PCDH15: variants seen among roughly 807,000 people sequenced by gnomAD.
The protein encoded by PCDH15 is protocadherin-15.
In PCDH15, 129 loss-of-function variants were observed where a neutral mutation model predicts 178.5. That is an observed-to-expected ratio of 0.72 (90% confidence interval 0.63 to 0.84). PCDH15 has a LOEUF of 0.84. Ranked by LOEUF, PCDH15 falls within the 40% of genes least tolerant of loss-of-function variation. PCDH15 has a pLI of 0.00. For missense variants in PCDH15, 2,230 were observed against 2,099.9 expected (o/e 1.06, Z -1.21); for synonymous variants, 800 against 732.0 (o/e 1.09, Z -1.50).
In PCDH15 at chr10:54,808,176, T is replaced by C. The variant is rs73268249; in HGVS notation, c.-29+89274A>G. Among the ~76,000 whole-genome samples the C allele has an allele frequency of 3.7e-3, 571 of 152,334 alleles. 1 individual carries two copies. Among genetic ancestry groups the C allele is most frequent in the African/African-American group, 0.013 (546 of 41,568 alleles). ...TTTTATATTTATACTGGTTTCTCTT[T>C]AACTCAGTAATCACTATTTTAGGCC... On this transcript the variant is annotated intron_variant, in intron 3 of 5. Transcript: ENST00000458638.
At chr10:54,327,351 T>A (rs1035988983) in intron 7 of PCDH15, among the ~76,000 whole-genome samples, 18 of 151,370 alleles carry the variant, frequency 1.2e-4, no homozygotes, top group Admixed American at 2.0e-4. Flanking sequence ...TTTCCCCATA[T>A]CTACAGTTTT....
chr10:55,078,957 G>A (rs186192811), intron 2 of PCDH15, among the ~76,000 whole-genome samples: 5 of 152,058 alleles, frequency 3.3e-5, no homozygotes, highest in South Asian at 2.1e-4. Flanking sequence ...TGAGTTCTTC[G>A]CTTCCAGGAT....
intron 26 of PCDH15, among the ~76,000 whole-genome samples, chr10:53,890,081 G>T (rs184891196): frequency 3.0e-3 from 452 of 152,268 alleles, no homozygotes; most frequent in African/African-American, 0.011. Context: ...GTGTGATTTT[G>T]CATATGCAGG....
In PCDH15 at chr10:54,194,748, A is replaced by G. The variant is rs554998708; in HGVS notation, c.1305+935T>C. On this transcript the variant is annotated intron_variant, in intron 11 of 37. Coordinates refer to ENST00000644397, the MANE Select transcript of PCDH15 (RefSeq NM_001384140.1). The stretch of plus-strand genomic sequence containing the variant: ...TCTATCTATCTATCTATCTATATAT[A>G]TACACAAAACATATGTATACATATT... Among the ~76,000 whole-genome samples, 4 of 151,972 alleles carry G rather than the reference A, an allele frequency of 2.6e-5. No individual in the cohort carries two copies. In the East Asian group the frequency reaches 7.7e-4, roughly 29 times the overall value.
intron 2 of PCDH15, among the ~76,000 whole-genome samples, chr10:55,331,068 T>A: frequency 6.6e-6 from 1 of 151,888 alleles, no homozygotes; most frequent in Non-Finnish European, 1.5e-5. Flanking sequence ...AGAAATTCTC[T>A]TCTCAAGAGG....
chr10:55,527,872 CAATGAGGT>C (rs755229545), intron 2 of PCDH15, among the ~76,000 whole-genome samples: 54 of 152,050 alleles, frequency 3.6e-4, no homozygotes, highest in Middle Eastern at 3.4e-3. Context: ...CTTCTGACAA[CAATGAGGT>C]AGCTAATTTG....
intron 2 of PCDH15, among the ~76,000 whole-genome samples, chr10:55,538,984 C>CCTCCTCCT (rs1841693702): frequency 7.9e-6 from 1 of 127,306 alleles, no homozygotes; most frequent in African/African-American, 3.1e-5. Flanking sequence ...CCTTTCCTTC[C>CCTCCTCCT]TTCCTTCCTC....
chr10:54,963,166 G>C (rs1271105883), intron 2 of PCDH15, among the ~76,000 whole-genome samples: 1 of 152,146 alleles, frequency 6.6e-6, no homozygotes, highest in African/African-American at 2.4e-5. Context: ...AAAATGGTGA[G>C]TCCCATGGCC....
intron 18 of PCDH15, among the ~76,000 whole-genome samples, chr10:54,049,432 C>T (rs796305215): frequency 1.1e-4 from 17 of 152,246 alleles, no homozygotes; most frequent in African/African-American, 3.9e-4. Flanking sequence ...GAGTAGGCAT[C>T]CTTCTCTTGT....
intron 2 of PCDH15, among the ~76,000 whole-genome samples, chr10:55,449,451 T>C (rs1200270808): frequency 6.6e-6 from 1 of 152,022 alleles, no homozygotes; most frequent in Non-Finnish European, 1.5e-5. Flanking sequence ...GCAGTGTCTA[T>C]CCATATGTAT....
rs189832218 is a variant in PCDH15 at position 53,917,034 on chromosome 10, T to A, written c.3374-13664A>T. Among the ~76,000 whole-genome samples the A allele has an allele frequency of 2.1e-3, 323 of 152,274 alleles. 1 individual carries two copies. The highest frequency in any genetic ancestry group is 7.1e-3 in the African/African-American group (297 of 41,570). ...TTATATGAGATATATAGGAATATAGTACACATCAAATAATGTAGTGGAAAA... is the reference window on the plus strand; with the variant it reads ...TTATATGAGATATATAGGAATATAGAACACATCAAATAATGTAGTGGAAAA... On this transcript the variant is annotated intron_variant, in intron 25 of 37. Transcript: ENST00000644397.
intron 13 of PCDH15, among the ~76,000 whole-genome samples, chr10:54,163,942 G>A (rs895880417): frequency 1.3e-5 from 2 of 152,080 alleles, no homozygotes; most frequent in African/African-American, 4.8e-5. Flanking sequence ...TTGTAAGTAT[G>A]GGCATTATCA....
intron 2 of PCDH15, among the ~76,000 whole-genome samples, chr10:54,574,041 T>C (rs904593582): frequency 3.3e-5 from 5 of 152,176 alleles, no homozygotes; most frequent in Middle Eastern, 3.2e-3. Context: ...TAGATCTCAT[T>C]TGTCAATTTT....
Position 54,332,345 on chromosome 10 carries a change from T to G in PCDH15, c.595-2639A>C, listed in dbSNP as rs1213858184. ...ATAATCTATATTATATATTATTATA[T>G]ATAATATAATATAATCTATATTATA... On this transcript the variant is annotated intron_variant, in intron 6 of 37. Coordinates refer to ENST00000644397, the MANE Select transcript of PCDH15 (RefSeq NM_001384140.1). Among the ~76,000 whole-genome samples the G allele has an allele frequency of 4.3e-5, 4 of 93,078 alleles. No individual in the cohort carries two copies. The East Asian group carries it at 9.1e-4, about 21-fold the overall frequency. The allele number at this position is 93,078 out of a possible 152,430, so 61.1% of individuals were successfully genotyped here. A position where few individuals can be genotyped will look rare whatever the true frequency, so the allele number is the denominator to read the frequency against.
chr10:54,073,152 T>C (rs777973523), intron 17 of PCDH15, among the ~76,000 whole-genome samples: 34 of 151,918 alleles, frequency 2.2e-4, no homozygotes, highest in Non-Finnish European at 4.1e-4. Flanking sequence ...TGTATACACA[T>C]TTTATGCAAT....
chr10:55,373,969 A>T (rs1845562624), intron 2 of PCDH15, among the ~76,000 whole-genome samples: 1 of 151,734 alleles, frequency 6.6e-6, no homozygotes, highest in African/African-American at 2.4e-5. Context: ...GAGGGACAGC[A>T]TTAGGAGAAA....
intron 4 of PCDH15, among the ~76,000 whole-genome samples, chr10:54,371,241 G>C (rs1202566820): frequency 3.3e-5 from 5 of 151,780 alleles, no homozygotes; most frequent in African/African-American, 1.2e-4. Context: ...GTAATAGACA[G>C]CTACAAACAT....
intron 27 of PCDH15, among the ~76,000 whole-genome samples, chr10:53,863,022 G>T (rs2079198981): frequency 6.6e-6 from 1 of 152,154 alleles, no homozygotes; most frequent in African/African-American, 2.4e-5. Flanking sequence ...AAGACTACAG[G>T]TGGAAGAAAT....
chr10:55,371,985 C>T (rs950011650), intron 2 of PCDH15, among the ~76,000 whole-genome samples: 3 of 152,022 alleles, frequency 2.0e-5, no homozygotes, highest in African/African-American at 7.2e-5. Flanking sequence ...AGTTGCATTG[C>T]TCAACTTCAA....
Sources: gnomAD v4.1 joint callset for allele counts (sites outside exome capture counted in the v4.1 genomes callset) on GRCh38, gnomAD v4.1.1 for gene constraint, MANE v1.5 for transcripts, NCBI Gene and HGNC (gene_info 2026-07-23, HGNC 2026-07-21) for gene names.